RGL1: variants seen among roughly 807,000 people sequenced by gnomAD.
RGL1 encodes ral guanine nucleotide dissociation stimulator like 1.
RGL1 carries 24 observed loss-of-function variants against 95.2 expected under a neutral mutation model. The observed-to-expected ratio is 0.25, with a 90% CI of 0.18 to 0.35. RGL1 has a LOEUF of 0.35. Ranked by LOEUF, RGL1 falls within the 10% of genes least tolerant of loss-of-function variation. The pLI, the probability that RGL1 is intolerant of heterozygous loss-of-function variation, is 1.00. For missense variants in RGL1, 715 were observed against 936.3 expected (o/e 0.76, Z 3.08); for synonymous variants, 329 against 344.9 (o/e 0.95, Z 0.51).
intron 2 of RGL1, among the ~76,000 whole-genome samples, chr1:183,829,529 T>C (rs1663111304): frequency 1.3e-5 from 2 of 152,078 alleles, no homozygotes; most frequent in Non-Finnish European, 2.9e-5. Context: ...TCTAAGTGAA[T>C]CTTTTCTTTT....
intron 1 of RGL1, among the ~76,000 whole-genome samples, chr1:183,730,062 T>A (rs971744395): frequency 6.6e-6 from 1 of 152,184 alleles, no homozygotes; most frequent in African/African-American, 2.4e-5. Flanking sequence ...GGGTGTATAC[T>A]ATTTGTCAAA....
chr1:183,871,705 G>C (rs1319435250), intron 4 of RGL1, among the ~76,000 whole-genome samples: 1 of 152,200 alleles, frequency 6.6e-6, no homozygotes, highest in Non-Finnish European at 1.5e-5. Flanking sequence ...AAATACAGAT[G>C]AAGCATTCAA....
chr1:183,821,988 C>A (rs777416028), intron 2 of RGL1, among the ~76,000 whole-genome samples: 1 of 151,712 alleles, frequency 6.6e-6, no homozygotes, highest in African/African-American at 2.4e-5. Context: ...TGTCTTCTTC[C>A]TGCCTGACAG....
Position 183,648,499 on chromosome 1 carries a change from C to G in RGL1, c.-33+11998C>G, listed in dbSNP as rs201273733. The G allele has an allele frequency of 6.8e-6, 11 of 1,614,164 alleles. No homozygotes were observed. The East Asian group carries it at 2.0e-4, about 29-fold the overall frequency. ...CCATTCATTTCAAAGAGCATTGATT[C>G]TGGATGGATATAATTCCCAGTGCAA... On this transcript the variant is annotated intron_variant, in intron 1 of 18. Transcript: ENST00000304685.
At chr1:183,891,753 T>G (rs1281175658) in intron 8 of RGL1, among the ~76,000 whole-genome samples, 2 of 104,548 alleles carry the variant, frequency 1.9e-5, no homozygotes, top group Non-Finnish European at 4.1e-5. Flanking sequence ...TTTTTTTTTT[T>G]TTTTTTTGTT....
chr1:183,822,726 G>A (rs1373309388), intron 2 of RGL1, among the ~76,000 whole-genome samples: 1 of 152,156 alleles, frequency 6.6e-6, no homozygotes, highest in Non-Finnish European at 1.5e-5. Context: ...TCAAATTTGA[G>A]CACTTACTAT....
At chr1:183,679,648 C>G (rs1191230202) in intron 1 of RGL1, among the ~76,000 whole-genome samples, 1 of 152,048 alleles carries the variant, frequency 6.6e-6, no homozygotes, top group African/African-American at 2.4e-5. Context: ...CAAGTCTTTG[C>G]TATTGTGAAC....
chr1:183,722,544 C>T lies in RGL1; in HGVS notation c.-32-19582C>T, dbSNP rs80157335. On this transcript the variant is annotated intron_variant, in intron 1 of 18. Transcript: ENST00000304685. ...CACCAAGAACTTCATTATCAAATTA[C>T]AGCAAGTTACTAATTCTGACAAAAA... Among the ~76,000 whole-genome samples the T allele has an allele frequency of 2.8e-3, 429 of 152,176 alleles. 2 individuals are homozygous for T. The highest frequency in any genetic ancestry group is 9.8e-3 in the African/African-American group (406 of 41,528).
At chr1:183,908,672 T>C (rs558377556) in intron 14 of RGL1, among the ~76,000 whole-genome samples, 1 of 152,228 alleles carries the variant, frequency 6.6e-6, no homozygotes, top group South Asian at 2.1e-4. Context: ...GGGAATCAGC[T>C]CCCTGATAGA....
At chr1:183,781,665 T>C (rs1457596383) in intron 2 of RGL1, among the ~76,000 whole-genome samples, 1 of 152,220 alleles carries the variant, frequency 6.6e-6, no homozygotes, top group East Asian at 1.9e-4. Context: ...GTGTGTGTTT[T>C]AACATATAAG....
chr1:183,772,591 C>A lies in RGL1; in HGVS notation c.132+30302C>A, dbSNP rs1297205714. On this transcript the variant is annotated intron_variant, in intron 2 of 18. Coordinates refer to the RGL1 transcript ENST00000304685. ...CATGTCCTGGCATCTGAGAAAGTTA[C>A]CTGCTTTACTTGATGGGAAACCTTG... 3.9e-5 allele frequency among the ~76,000 whole-genome samples: 6 copies of A among 152,272 alleles called. No homozygotes were observed. The South Asian group carries it at 6.2e-4, about 16-fold the overall frequency.
rs563000924 is a variant in RGL1, at chr1:183,782,443, G to A, written c.133-23932G>A. Among the ~76,000 whole-genome samples, 17 of 152,264 alleles carry A rather than the reference G, an allele frequency of 1.1e-4. No individual in the cohort carries two copies. In the East Asian group the frequency reaches 2.5e-3, roughly 22 times the overall value. Reference sequence around the variant, plus strand: ...TAACCACTTAAAAGCACTTTGAAGCGTGTTCAATCACAGTTAAATGCTTCT... The same window carrying A: ...TAACCACTTAAAAGCACTTTGAAGCATGTTCAATCACAGTTAAATGCTTCT... On this transcript the variant is annotated intron_variant, in intron 2 of 18. Transcript: ENST00000304685.
At chr1:183,645,117 A>G (rs1650195225) in intron 1 of RGL1, among the ~76,000 whole-genome samples, 1 of 152,364 alleles carries the variant, frequency 6.6e-6, no homozygotes, top group South Asian at 2.1e-4. Context: ...CCTCTAATCC[A>G]TAAGGCAACC....
At chr1:183,646,173 A>T (rs1324311099) in intron 1 of RGL1, among the ~76,000 whole-genome samples, 1 of 152,216 alleles carries the variant, frequency 6.6e-6, no homozygotes, top group Non-Finnish European at 1.5e-5. Context: ...CATGAAATAA[A>T]AATAAACCTC....
intron 4 of RGL1, among the ~76,000 whole-genome samples, chr1:183,873,691 T>G (rs1666318895): frequency 6.6e-6 from 1 of 152,224 alleles, no homozygotes; most frequent in African/African-American, 2.4e-5. Context: ...AGATTGTTAT[T>G]ATTCTGAGAT....
At chr1:183,677,817 A>G (rs1652935461) in intron 1 of RGL1, among the ~76,000 whole-genome samples, 1 of 152,184 alleles carries the variant, frequency 6.6e-6, no homozygotes, top group Non-Finnish European at 1.5e-5. Flanking sequence ...GAGGGAAGCA[A>G]GGTTGTCACG....
chr1:183,882,388 A>G (rs1425975117), intron 5 of RGL1, among the ~76,000 whole-genome samples: 3 of 152,210 alleles, frequency 2.0e-5, no homozygotes, highest in Non-Finnish European at 4.4e-5. Context: ...GGATATATGT[A>G]TGTATTTGTT....
chr1:183,879,455 G>A (rs1330921391), intron 4 of RGL1, among the ~76,000 whole-genome samples: 1 of 152,214 alleles, frequency 6.6e-6, no homozygotes, highest in African/African-American at 2.4e-5. Flanking sequence ...TTTCTTTGAA[G>A]TATAATTAGG....
intron 2 of RGL1, among the ~76,000 whole-genome samples, chr1:183,797,881 A>C (rs975911428): frequency 2.0e-5 from 3 of 152,252 alleles, no homozygotes; most frequent in Non-Finnish European, 4.4e-5. Context: ...TCATAGGGAT[A>C]TTGGAAGAAA....
Sources: gnomAD v4.1 joint callset for allele counts (sites outside exome capture counted in the v4.1 genomes callset) on GRCh38, gnomAD v4.1.1 for gene constraint, MANE v1.5 for transcripts, NCBI Gene and HGNC (gene_info 2026-07-23, HGNC 2026-07-21) for gene names.